The following OXR1 variants were observed in gnomAD, a reference collection of about 807,000 sequenced individuals.
OXR1 encodes the protein oxidation resistance 1.
In OXR1, 41 loss-of-function variants were observed where a neutral mutation model predicts 104.6. That is an observed-to-expected ratio of 0.39 (90% confidence interval 0.31 to 0.51). The LOEUF (loss-of-function observed/expected upper bound fraction) is 0.51, where lower values mean the gene tolerates loss of function less well. OXR1 is among the 20% of genes least tolerant of loss of function. The pLI, the probability that OXR1 is intolerant of heterozygous loss-of-function variation, is 0.77. For synonymous variants in OXR1, 348 were observed against 348.4 expected (o/e 1.00, Z 0.01); for missense variants, 955 against 1,031.9 (o/e 0.93, Z 1.02).
chr8:106,349,946 T>C (rs1373663240), intron 1 of OXR1, among the ~76,000 whole-genome samples: 1 of 152,166 alleles, frequency 6.6e-6, no homozygotes, highest in East Asian at 1.9e-4. Flanking sequence ...GTGATGAGAA[T>C]GTTAGAGTGA....
intron 2 of OXR1, among the ~76,000 whole-genome samples, chr8:106,449,339 A>G (rs1820190676): frequency 6.6e-6 from 1 of 152,166 alleles, no homozygotes; most frequent in Non-Finnish European, 1.5e-5. Flanking sequence ...AGCTACATAG[A>G]ATATGGTTTA....
chr8:106,566,450 C>A (rs1394388399), intron 3 of OXR1, among the ~76,000 whole-genome samples: 2 of 152,062 alleles, frequency 1.3e-5, no homozygotes, highest in Non-Finnish European at 2.9e-5. Context: ...GAATGGTGAT[C>A]ATTAAAAAGT....
At chr8:106,431,453 G>T (rs1235018260) in intron 2 of OXR1, among the ~76,000 whole-genome samples, 1 of 152,102 alleles carries the variant, frequency 6.6e-6, no homozygotes, top group Non-Finnish European at 1.5e-5. Flanking sequence ...TTAAACTTAT[G>T]ATTTATAGGA....
chr8:106,744,172 C>T (rs1455039613), intron 15 of OXR1, among the ~76,000 whole-genome samples: 2 of 152,136 alleles, frequency 1.3e-5, no homozygotes, highest in Non-Finnish European at 2.9e-5. Context: ...GTGTAACAAA[C>T]CTGTGCATCC....
At chr8:106,509,944 A>G (rs1046913983) in intron 2 of OXR1, among the ~76,000 whole-genome samples, 2 of 151,742 alleles carry the variant, frequency 1.3e-5, no homozygotes, top group African/African-American at 4.8e-5. Flanking sequence ...GCTAATTTTT[A>G]TATTTTTAGT....
chr8:106,568,382 A>G (rs1817229667), intron 3 of OXR1, among the ~76,000 whole-genome samples: 1 of 152,180 alleles, frequency 6.6e-6, no homozygotes, highest in Admixed American at 6.6e-5. Flanking sequence ...CCATCATTTT[A>G]GAATTCTCAA....
intron 3 of OXR1, among the ~76,000 whole-genome samples, chr8:106,530,269 C>T (rs892505615): frequency 1.3e-5 from 2 of 151,920 alleles, no homozygotes; most frequent in African/African-American, 4.8e-5. Context: ...TTTCTTCCCA[C>T]GTTGTACCTA....
At chr8:106,696,869 C>T (rs574953804) in intron 7 of OXR1, among the ~76,000 whole-genome samples, 3 of 152,324 alleles carry the variant, frequency 2.0e-5, no homozygotes, top group Non-Finnish European at 4.4e-5. Flanking sequence ...AAATGAGAAG[C>T]CATGAGGGCC....
At chr8:106,465,319 G>A (rs1821116480) in intron 2 of OXR1, among the ~76,000 whole-genome samples, 1 of 151,962 alleles carries the variant, frequency 6.6e-6, no homozygotes, top group South Asian at 2.1e-4. Context: ...CAAGGTGGCA[G>A]GAGGGGTGGA....
chr8:106,708,209 T>C (rs186770179), intron 9 of OXR1, among the ~76,000 whole-genome samples: 1 of 152,094 alleles, frequency 6.6e-6, no homozygotes, highest in African/African-American at 2.4e-5. Context: ...TTGGGCACCA[T>C]GGCAAAACCC....
intron 7 of OXR1, chr8:106,697,879 G>T: frequency 6.2e-7 from 1 of 1,612,338 alleles, no homozygotes; most frequent in Non-Finnish European, 8.5e-7. Flanking sequence ...TCCAGGCTGG[G>T]ACCGGCCCAC....
chr8:106,334,524 G>A (rs536459632), intron 1 of OXR1, among the ~76,000 whole-genome samples: 1 of 152,140 alleles, frequency 6.6e-6, no homozygotes, highest in Non-Finnish European at 1.5e-5. Context: ...AAAGCTTTTA[G>A]TCTTTTACCA....
intron 3 of OXR1, among the ~76,000 whole-genome samples, chr8:106,631,844 G>GA (rs1822713270): frequency 6.6e-6 from 1 of 152,104 alleles, no homozygotes; most frequent in African/African-American, 2.4e-5. Flanking sequence ...ATTGCCAACT[G>GA]AAAAAATCCC....
intron 2 of OXR1, among the ~76,000 whole-genome samples, chr8:106,439,903 A>G (rs908300719): frequency 2.0e-5 from 3 of 152,150 alleles, no homozygotes; most frequent in African/African-American, 7.2e-5. Flanking sequence ...TAAAGCTCTT[A>G]TGTGAATAAA....
rs1816371092 is a variant in OXR1, at chr8:106,364,241, A to C, written c.23+4605A>C. Among the ~76,000 whole-genome samples the C allele has an allele frequency of 2.0e-5, 3 of 152,338 alleles. No homozygotes were observed. In the South Asian group the frequency reaches 6.2e-4, roughly 32 times the overall value. On this transcript the variant is annotated intron_variant, in intron 2 of 16. Transcript: ENST00000517566. ...TGTTGGCAATTTCAATAACACTTTAATAGGAAATAAATACATTTGAATTAT... is the reference window on the plus strand; with the variant it reads ...TGTTGGCAATTTCAATAACACTTTACTAGGAAATAAATACATTTGAATTAT...
At chr8:106,411,271 G>T (rs1818446240) in intron 2 of OXR1, among the ~76,000 whole-genome samples, 1 of 152,098 alleles carries the variant, frequency 6.6e-6, no homozygotes, top group Admixed American at 6.6e-5. Context: ...CAAAGAGAAG[G>T]CTGGATGATA....
intron 2 of OXR1, among the ~76,000 whole-genome samples, chr8:106,463,388 A>G (rs1460060004): frequency 6.6e-6 from 1 of 152,132 alleles, no homozygotes; most frequent in Non-Finnish European, 1.5e-5. Flanking sequence ...CAACATGTTA[A>G]TAATTGTGCA....
intron 2 of OXR1, among the ~76,000 whole-genome samples, chr8:106,445,958 C>A (rs1819997010): frequency 2.0e-5 from 3 of 152,160 alleles, no homozygotes; most frequent in Admixed American, 1.3e-4. Context: ...AGTAACAAGA[C>A]CAGGGCCTTA....
intron 2 of OXR1, among the ~76,000 whole-genome samples, chr8:106,450,315 C>T (rs1400125616): frequency 1.3e-5 from 2 of 152,090 alleles, no homozygotes; most frequent in Non-Finnish European, 2.9e-5. Flanking sequence ...CTCCATATCA[C>T]CTGAAAGAAT....
Sources: gnomAD v4.1 joint callset for allele counts (sites outside exome capture counted in the v4.1 genomes callset) on GRCh38, gnomAD v4.1.1 for gene constraint, MANE v1.5 for transcripts, NCBI Gene and HGNC (gene_info 2026-07-23, HGNC 2026-07-21) for gene names.